The following CSMD1 variants were observed in gnomAD, a reference collection of about 807,000 sequenced individuals.
CSMD1 encodes CUB and Sushi multiple domains 1, also known as CUB and sushi domain-containing protein 1.
A neutral mutation model predicts 417.5 loss-of-function variants in CSMD1; 213 were observed. That is an observed-to-expected ratio of 0.51 (90% CI 0.46 to 0.57). The LOEUF is 0.57. Ranked by LOEUF, CSMD1 falls within the 20% of genes least tolerant of loss-of-function variation. CSMD1 has a pLI of 0.00. For missense variants in CSMD1, 6,923 were observed against 4,529.7 expected, an observed-to-expected ratio of 1.53 and a Z score of -15.17; for synonymous variants, 2,862 against 1,736.8, an observed-to-expected ratio of 1.65 and a Z score of -16.11.
At chr8:4,585,524 G>C (rs184499400) in intron 2 of CSMD1, among the ~76,000 whole-genome samples, 4 of 152,274 alleles carry the variant, frequency 2.6e-5, no homozygotes, top group African/African-American at 9.6e-5. Context: ...GATAATGACA[G>C]ATAATTTACT....
At chr8:4,387,926 G>T (rs1235350743) in intron 3 of CSMD1, among the ~76,000 whole-genome samples, 2 of 151,866 alleles carry the variant, frequency 1.3e-5, no homozygotes, top group African/African-American at 2.4e-5. Flanking sequence ...TATGACTATC[G>T]AGTAACAACA....
At chr8:3,957,876 G>T (rs1447093521) in intron 5 of CSMD1, among the ~76,000 whole-genome samples, 1 of 152,192 alleles carries the variant, frequency 6.6e-6, no homozygotes, top group Non-Finnish European at 1.5e-5. Flanking sequence ...GAGCCGATGT[G>T]GGGCTATCGC....
intron 1 of CSMD1, among the ~76,000 whole-genome samples, chr8:4,954,466 T>G (rs1808956183): frequency 6.6e-6 from 1 of 152,200 alleles, no homozygotes; most frequent in Non-Finnish European, 1.5e-5. Context: ...TTGATTTGAA[T>G]GATGACTGAA....
chr8:3,445,770 G>T (rs1253181212), intron 12 of CSMD1, among the ~76,000 whole-genome samples: 1 of 152,164 alleles, frequency 6.6e-6, no homozygotes, highest in African/African-American at 2.4e-5. Context: ...CATGTAAACA[G>T]TAAGAGGATA....
chr8:4,032,579 G>T (rs937228027), intron 3 of CSMD1, among the ~76,000 whole-genome samples: 3 of 151,988 alleles, frequency 2.0e-5, no homozygotes, highest in Non-Finnish European at 1.5e-5. Flanking sequence ...ATTACCCAAC[G>T]CTCAATCAAC....
intron 3 of CSMD1, among the ~76,000 whole-genome samples, chr8:4,345,112 G>T (rs958261861): frequency 6.6e-6 from 1 of 152,130 alleles, no homozygotes; most frequent in African/African-American, 2.4e-5. Context: ...CAGCCAAGGG[G>T]AGCTAAACCT....
intron 1 of CSMD1, among the ~76,000 whole-genome samples, chr8:4,966,923 C>T (rs903033507): frequency 2.0e-5 from 3 of 152,112 alleles, no homozygotes; most frequent in African/African-American, 7.2e-5. Context: ...GAAGCATTGG[C>T]AATCCAGTGT....
At chr8:4,279,207 A>AACACAC (rs111435983) in intron 3 of CSMD1, among the ~76,000 whole-genome samples, 6,510 of 152,052 alleles carry the variant, frequency 0.043, 227 homozygotes, top group African/African-American at 0.091. Context: ...TATACACACT[A>AACACAC]ACACACACAC....
chr8:3,550,125 G>T (rs1798846556), intron 10 of CSMD1, among the ~76,000 whole-genome samples: 1 of 152,098 alleles, frequency 6.6e-6, no homozygotes, highest in Non-Finnish European at 1.5e-5. Context: ...GTCCCATTGG[G>T]ATCACCCATG....
chr8:4,374,588 A>T (rs1802601465), intron 3 of CSMD1, among the ~76,000 whole-genome samples: 1 of 152,104 alleles, frequency 6.6e-6, no homozygotes, highest in East Asian at 1.9e-4. Context: ...ATGGGAAGAC[A>T]AGGGAAGCAG....
At chr8:4,778,921 C>A (rs1174520332) in intron 1 of CSMD1, among the ~76,000 whole-genome samples, 1 of 152,150 alleles carries the variant, frequency 6.6e-6, no homozygotes, top group South Asian at 2.1e-4. Flanking sequence ...TATATGGAAG[C>A]AACCTGCTTA....
At chr8:3,994,128 C>A (rs894336880) in intron 5 of CSMD1, among the ~76,000 whole-genome samples, 1 of 152,094 alleles carries the variant, frequency 6.6e-6, no homozygotes, top group Non-Finnish European at 1.5e-5. Context: ...AGTTAAGAAT[C>A]GATGCATTTA....
At chr8:4,021,545 C>G (rs546165794) in intron 4 of CSMD1, among the ~76,000 whole-genome samples, 1 of 152,282 alleles carries the variant, frequency 6.6e-6, no homozygotes, top group Non-Finnish European at 1.5e-5. Flanking sequence ...AGGATCAGCT[C>G]CTTCTGAGCA....
intron 5 of CSMD1, among the ~76,000 whole-genome samples, chr8:3,905,786 T>C (rs1325206399): frequency 6.6e-6 from 1 of 152,172 alleles, no homozygotes; most frequent in African/African-American, 2.4e-5. Flanking sequence ...TCAGAATTCT[T>C]CACCACCCTC....
chr8:3,843,534 A>C (rs775100146), intron 5 of CSMD1, among the ~76,000 whole-genome samples: 1 of 152,076 alleles, frequency 6.6e-6, no homozygotes, highest in Non-Finnish European at 1.5e-5. Flanking sequence ...AACTATATAA[A>C]AGTAAAAAAA....
intron 3 of CSMD1, among the ~76,000 whole-genome samples, chr8:4,234,954 C>A (rs940433970): frequency 1.3e-5 from 2 of 152,060 alleles, no homozygotes; most frequent in African/African-American, 4.8e-5. Flanking sequence ...ATTCTAAGGG[C>A]GGGGTGTTCA....
At chr8:4,418,503 A>G (rs1797071724) in intron 3 of CSMD1, among the ~76,000 whole-genome samples, 1 of 152,148 alleles carries the variant, frequency 6.6e-6, no homozygotes, top group Admixed American at 6.6e-5. Context: ...TTCAGCTATC[A>G]ACTTCATCAG....
chr8:4,134,644 A>C (rs949956610), intron 3 of CSMD1, among the ~76,000 whole-genome samples: 26 of 152,146 alleles, frequency 1.7e-4, no homozygotes, highest in Admixed American at 4.6e-4. Flanking sequence ...TTCTACCTTT[A>C]AAATATATCT....
intron 10 of CSMD1, among the ~76,000 whole-genome samples, chr8:3,540,714 G>T (rs1241836414): frequency 6.6e-6 from 1 of 152,106 alleles, no homozygotes; most frequent in Admixed American, 6.5e-5. Context: ...CCATTAAAAA[G>T]TGAGCAAAAG....
Sources: allele counts gnomAD v4.1 joint callset (sites outside exome capture counted in the v4.1 genomes callset), GRCh38; gene constraint gnomAD v4.1.1; transcripts MANE v1.5; gene names NCBI Gene and HGNC (gene_info 2026-07-23, HGNC 2026-07-21).